CAST: variants seen among roughly 807,000 people sequenced by gnomAD.
The protein encoded by CAST is MIR583 host.
A neutral mutation model predicts 119.6 loss-of-function variants in CAST; 76 were observed. The observed-to-expected ratio is 0.64, with a 90% confidence interval of 0.53 to 0.77. The LOEUF (loss-of-function observed/expected upper bound fraction) is 0.77. Among genes scored for constraint, CAST ranks in the 30% least tolerant of loss-of-function variants. The pLI, the probability that CAST is intolerant of heterozygous loss-of-function variation, is 0.00. For missense variants in CAST, 953 were observed against 946.5 expected (o/e 1.01, Z -0.09); for synonymous variants, 319 against 331.6 (o/e 0.96, Z 0.41).
chr5:96,686,731 GA>G (rs1333605449), intron 2 of CAST, among the ~76,000 whole-genome samples: 1 of 152,146 alleles, frequency 6.6e-6, no homozygotes, highest in Non-Finnish European at 1.5e-5. Flanking sequence ...ATAAAGCAAT[GA>G]AAAATGAAGT....
intron 3 of CAST, among the ~76,000 whole-genome samples, chr5:96,717,846 T>C (rs1297115548): frequency 6.6e-6 from 1 of 152,236 alleles, no homozygotes; most frequent in Non-Finnish European, 1.5e-5. Flanking sequence ...GACTTATTGA[T>C]ATTTCATCAG....
At chr5:95,980,249 A>G in the CAST span, 2 of 152,242 alleles carry the variant, frequency 1.3e-5, no homozygotes, top group Non-Finnish European at 2.9e-5. Context: ...TATACAAAGA[A>G]TTGGGAGATC....
chr5:96,715,446 A>G (rs1357504391), intron 3 of CAST, among the ~76,000 whole-genome samples: 2 of 152,196 alleles, frequency 1.3e-5, no homozygotes, highest in Admixed American at 6.5e-5. Context: ...GTTCATGGAC[A>G]TTATTGTCAT....
At chr5:96,732,470 G>A (rs1760757670) in intron 9 of CAST, among the ~76,000 whole-genome samples, 1 of 129,900 alleles carries the variant, frequency 7.7e-6, no homozygotes, top group Admixed American at 8.3e-5. Flanking sequence ...TCACTCTGAT[G>A]GTAGTTTCTT....
At chr5:96,219,019 A>G in the CAST span, among the ~76,000 whole-genome samples, 3 of 152,196 alleles carry the variant, frequency 2.0e-5, no homozygotes, top group African/African-American at 7.2e-5. Flanking sequence ...CATTGTGAGG[A>G]ATAAATGAAG....
intron 3 of CAST, among the ~76,000 whole-genome samples, chr5:96,699,329 A>ATG (rs1483102966): frequency 2.0e-5 from 3 of 152,220 alleles, no homozygotes; most frequent in Non-Finnish European, 4.4e-5. Context: ...TATTAAGAAG[A>ATG]TGTACTGGTT....
the CAST span, among the ~76,000 whole-genome samples, chr5:96,374,497 G>A: frequency 3.9e-5 from 6 of 152,292 alleles, no homozygotes; most frequent in African/African-American, 1.2e-4. Context: ...AAAGGTAAGG[G>A]TGATAAATAA....
chr5:96,032,303 T>C, the CAST span, among the ~76,000 whole-genome samples: 3 of 152,118 alleles, frequency 2.0e-5, no homozygotes, highest in Non-Finnish European at 4.4e-5. Flanking sequence ...TTTGAGTTCT[T>C]GAATGCTTCT....
the CAST span, among the ~76,000 whole-genome samples, chr5:96,173,976 G>A: frequency 1.3e-5 from 2 of 152,000 alleles, no homozygotes; most frequent in African/African-American, 2.4e-5. Flanking sequence ...TCACCTGACC[G>A]TGTGATCCTC....
the CAST span, among the ~76,000 whole-genome samples, chr5:96,273,290 C>T: frequency 4.6e-5 from 7 of 152,122 alleles, no homozygotes; most frequent in African/African-American, 1.7e-4. Context: ...AGAAGTCCTC[C>T]CCAGTTAGGT....
the CAST span, among the ~76,000 whole-genome samples, chr5:96,463,605 G>T: frequency 6.6e-6 from 1 of 152,068 alleles, no homozygotes; most frequent in Non-Finnish European, 1.5e-5. Context: ...ACAGGAAATG[G>T]CTGTTTCACA....
the CAST span, among the ~76,000 whole-genome samples, chr5:96,424,016 C>T: frequency 2.6e-5 from 4 of 152,174 alleles, no homozygotes; most frequent in Non-Finnish European, 5.9e-5. Context: ...GGGTAAGTGT[C>T]TGTGAGAGGA....
upstream of CAST, among the ~76,000 whole-genome samples, chr5:96,526,833 A>T (rs1357319280): frequency 5.9e-5 from 9 of 152,198 alleles, no homozygotes; most frequent in Non-Finnish European, 1.3e-4. Context: ...AAAGAGACAC[A>T]CGTTATAGTA....
the CAST span, among the ~76,000 whole-genome samples, chr5:96,177,783 C>A: frequency 6.6e-6 from 1 of 152,184 alleles, no homozygotes; most frequent in African/African-American, 2.4e-5. Flanking sequence ...AGGACAACAT[C>A]AATTTCTCCT....
At chr5:96,278,787 C>T in the CAST span, 1 of 152,182 alleles carries the variant, frequency 6.6e-6, no homozygotes, top group East Asian at 1.9e-4. Flanking sequence ...TGCATGTATG[C>T]ACATGCATTC....
the CAST span, among the ~76,000 whole-genome samples, chr5:96,164,328 A>G: frequency 5.3e-5 from 8 of 152,366 alleles, no homozygotes; most frequent in East Asian, 9.6e-4. Flanking sequence ...AATGTAACAC[A>G]AAGTAGAAAG....
the CAST span, among the ~76,000 whole-genome samples, chr5:96,409,655 G>C: frequency 6.6e-6 from 1 of 152,218 alleles, no homozygotes; most frequent in African/African-American, 2.4e-5. Flanking sequence ...TCTAAAGGCA[G>C]CTCTGGACAC....
At chr5:96,482,150 T>C in the CAST span, among the ~76,000 whole-genome samples, 337 of 152,222 alleles carry the variant, frequency 2.2e-3, no homozygotes, top group African/African-American at 7.8e-3. Flanking sequence ...TTGCTGAAGA[T>C]TTTCTTATCC....
chr5:96,325,654 A>AT, the CAST span, among the ~76,000 whole-genome samples: 1 of 151,692 alleles, frequency 6.6e-6, no homozygotes, highest in African/African-American at 2.4e-5. Flanking sequence ...TAAGTTTTGT[A>AT]TTTTTTGTGG....
Sources: allele counts gnomAD v4.1 joint callset (sites outside exome capture counted in the v4.1 genomes callset), GRCh38; gene constraint gnomAD v4.1.1; transcripts MANE v1.5; gene names NCBI Gene and HGNC (gene_info 2026-07-23, HGNC 2026-07-21).